Variants in EMP1 observed in about 807,000 individuals in gnomAD.
EMP1 encodes the protein tumor-associated membrane protein.
Under a neutral mutation model 15.7 loss-of-function variants are expected in EMP1, and 5 were observed. That is an observed-to-expected ratio of 0.32 (90% CI 0.17 to 0.67). EMP1 has a LOEUF of 0.67. Ranked by LOEUF, EMP1 falls within the 30% of genes least tolerant of loss-of-function variation. EMP1 has a pLI of 0.74. For missense variants in EMP1, 166 were observed against 194.2 expected (o/e 0.85, Z 0.86); for synonymous variants, 78 against 76.7 (o/e 1.02, Z -0.09).
At position 13,213,559 on chromosome 12, in the gene EMP1, GT is replaced by G; in HGVS notation, c.160del (p.Ser54HisfsTer15). Reference sequence around the variant, plus strand: ...CCAACATTAGCTGCAGTGACAGCCTGTCATATGCCAGTGAAGGTATATATAA... The same window carrying G: ...CCAACATTAGCTGCAGTGACAGCCTGCATATGCCAGTGAAGGTATATATAA... ...CTNISCSDSL[S>X]YASEDALKTV... is the part of the protein sequence containing the mutation. On this transcript the variant is annotated frameshift_variant, in exon 3 of 5. Coordinates refer to ENST00000256951, the MANE Select transcript of EMP1 (RefSeq NM_001423.3). LOFTEE classifies it high-confidence loss of function. The G allele has an allele frequency of 1.2e-6, 2 of 1,614,188 alleles. No individual in the cohort carries two copies. The highest frequency in any genetic ancestry group is 1.7e-6 in the Non-Finnish European group (2 of 1,180,030).
chr12:13,200,011 T>C (rs1321513350), intron 1 of EMP1, among the ~76,000 whole-genome samples: 5 of 151,632 alleles, frequency 3.3e-5, no homozygotes, highest in African/African-American at 9.7e-5. Flanking sequence ...AGGGAGCATT[T>C]TTGAAGTTTG....
chr12:13,197,396 C>T lies in EMP1; in HGVS notation c.-43+524C>T, dbSNP rs1384391464. Among the ~76,000 whole-genome samples the T allele has an allele frequency of 3.3e-5, 5 of 152,142 alleles. No homozygotes were observed. The East Asian group carries it at 9.6e-4, about 29-fold the overall frequency. ...TTTATTTTTGACATTGCTTTTCCTG[C>T]CTGTTTGCTTCCCTATTCACTTCTG... On this transcript the variant is annotated intron_variant, in intron 1 of 4. Transcript: ENST00000256951.
At chr12:13,210,655 A>G (rs1864156977) in intron 1 of EMP1, among the ~76,000 whole-genome samples, 1 of 152,346 alleles carries the variant, frequency 6.6e-6, no homozygotes, top group South Asian at 2.1e-4. Flanking sequence ...AGGAGAAGGC[A>G]CATTTGGTGC....
chr12:13,202,613 G>T (rs1042248409), intron 1 of EMP1, among the ~76,000 whole-genome samples: 5 of 152,170 alleles, frequency 3.3e-5, no homozygotes, highest in African/African-American at 1.2e-4. Flanking sequence ...GGACTCCTGT[G>T]CTGAGGGTTA....
rs943226811 is a variant in EMP1, at chr12:13,211,354, T to C, written c.-42-115T>C. 6 of 724,566 alleles carry C rather than the reference T, an allele frequency of 8.3e-6. No individual in the cohort carries two copies. The highest frequency in any genetic ancestry group is 7.2e-5 in the African/African-American group (4 of 55,752). 44.9% of individuals were successfully genotyped at this position (724,566 alleles called of 1,614,324 possible). ...TCAGGAATTTATGATTAGATTGTGA[T>C]GGTTTTTAGTGCAGCTCTTCCTCAT... On this transcript the variant is annotated intron_variant, in intron 1 of 4. Coordinates refer to ENST00000256951, the MANE Select transcript of EMP1 (RefSeq NM_001423.3). The surrounding 1 kb of genome is among the most constrained non-coding windows in gnomAD (Gnocchi z 4.7).
intron 4 of EMP1, chr12:13,214,134 C>G: frequency 1.6e-6 from 1 of 609,270 alleles, no homozygotes; most frequent in East Asian, 2.7e-5. Context: ...AAACCACTGC[C>G]ACAATGCACA....
intron 1 of EMP1, among the ~76,000 whole-genome samples, chr12:13,200,785 C>T (rs1325389314): frequency 6.6e-6 from 1 of 152,178 alleles, no homozygotes; most frequent in African/African-American, 2.4e-5. Flanking sequence ...ATGTTTGGGT[C>T]AAGGTTTTCT....
At position 13,216,565 on chromosome 12, in the gene EMP1, C is replaced by A. The variant is rs1443349427; in HGVS notation, c.*1874C>A. ...ACTCACATTTTGTTAAGAAGTTGAA[C>A]TATGACTGGAGTAAACCATGTATTC... On this transcript the variant is annotated 3_prime_UTR_variant, in exon 5 of 5. Coordinates refer to ENST00000256951, the MANE Select transcript of EMP1 (RefSeq NM_001423.3). 1.5e-6 allele frequency: 1 copy of A among 667,396 alleles called. No individual in the cohort carries two copies. The highest frequency in any genetic ancestry group is 2.7e-6 in the Non-Finnish European group (1 of 368,648). 41.3% of individuals were successfully genotyped at this position (667,396 alleles called of 1,614,324 possible). A position where few individuals can be genotyped will look rare whatever the true frequency, so the allele number is the denominator to read the frequency against.
Position 13,198,308 on chromosome 12 carries a change from C to T in EMP1, c.-43+1436C>T, listed in dbSNP as rs535672877. ...GTTAGCATTTTGGGTGAGTGTCTAC[C>T]GAGGTGTGGCCCATTTCAACATAGA... is the stretch of plus-strand genomic sequence containing the variant. On this transcript the variant is annotated intron_variant, in intron 1 of 4. Transcript: ENST00000256951. Among the ~76,000 whole-genome samples, 132 of 151,744 alleles carry T rather than the reference C, an allele frequency of 8.7e-4. 1 individual carries two copies. The highest frequency in any genetic ancestry group is 1.5e-4 in the Non-Finnish European group (10 of 67,990).
rs79954201 is a variant in EMP1, at chr12:13,204,612, G to A, written c.-42-6857G>A. Among the ~76,000 whole-genome samples, 1,506 of 152,324 alleles carry A rather than the reference G, an allele frequency of 9.9e-3. 18 individuals carry two copies. The highest frequency in any genetic ancestry group is 0.035 in the African/African-American group (1,459 of 41,554). The stretch of plus-strand genomic sequence containing the variant: ...TGTCTTAGGAAGGAGAGGCAGCTGC[G>A]GAGTTTCAGGTGTCACGCTGAGGAA... On this transcript the variant is annotated intron_variant, in intron 1 of 4. Transcript: ENST00000256951.
intron 1 of EMP1, among the ~76,000 whole-genome samples, chr12:13,207,137 A>C (rs1183526718): frequency 6.6e-6 from 1 of 152,016 alleles, no homozygotes; most frequent in Admixed American, 6.6e-5. Context: ...TTTGAGACGG[A>C]GTCTTGCTCT....
chr12:13,214,582 A>C lies in EMP1; in HGVS notation c.365A>C (p.Asn122Thr), dbSNP rs890849703. 6.2e-7 allele frequency: 1 copy of C among 1,613,804 alleles called. No individual in the cohort carries two copies. The highest frequency in any genetic ancestry group is 1.3e-5 in the African/African-American group (1 of 74,816). Residue 122 changes from asparagine (N) to threonine (T), a missense_variant, in exon 5 of 5, where the codon AAT (asparagine) becomes ACT (threonine). By Grantham distance (65) the Asn-to-Thr change is moderately conservative. Transcript: ENST00000256951. ...GVSIYTSHYANRDGTQYHHGY... is the reference protein window; with the variant it reads ...GVSIYTSHYATRDGTQYHHGY... ...TCCATCTACACTAGTCATTATGCGA[A>C]TCGTGATGGAACGCAGTATCACCAC...
intron 1 of EMP1, among the ~76,000 whole-genome samples, chr12:13,207,739 A>G (rs975526365): frequency 1.6e-4 from 25 of 152,214 alleles, no homozygotes; most frequent in African/African-American, 6.0e-4. Flanking sequence ...ATGAGGCTTA[A>G]GAAGGAGATC....
intron 1 of EMP1, among the ~76,000 whole-genome samples, chr12:13,200,503 C>T (rs1296957554): frequency 1.3e-5 from 2 of 152,194 alleles, no homozygotes; most frequent in South Asian, 2.1e-4. Flanking sequence ...CAGATCCGCC[C>T]AGGTGATCTT....
rs1280448952 is a variant in EMP1, at chr12:13,218,157, T to C, written c.*3466T>C. On this transcript the variant is annotated 3_prime_UTR_variant, in exon 5 of 5. Coordinates refer to ENST00000256951, the MANE Select transcript of EMP1 (RefSeq NM_001423.3). ...CTTATTCATTCATCAAGGGATAAAC[T>C]TGAGTTATCAAATGGTTAATAGATA... 1 of 152,150 alleles carries C rather than the reference T, an allele frequency of 6.6e-6. No homozygotes were observed. Among genetic ancestry groups the C allele is most frequent in the East Asian group, 1.9e-4 (1 of 5,198 alleles). 9.4% of individuals were successfully genotyped at this position (152,150 alleles called of 1,614,324 possible).
Position 13,217,789 on chromosome 12 carries a change from A to G in EMP1, c.*3098A>G, listed in dbSNP as rs1000443827. The stretch of plus-strand genomic sequence containing the variant: ...AATTCTCCAGAGAAACAGAAAAAAT[A>G]AGATTCGCGTGTGTGTGCAAACATA... On this transcript the variant is annotated 3_prime_UTR_variant, in exon 5 of 5. Coordinates refer to ENST00000256951, the MANE Select transcript of EMP1 (RefSeq NM_001423.3). The G allele has an allele frequency of 6.0e-5, 9 of 149,938 alleles. No individual in the cohort carries two copies. Among genetic ancestry groups the G allele is most frequent in the African/African-American group, 2.3e-4 (9 of 39,992 alleles). 9.3% of individuals were successfully genotyped at this position (149,938 alleles called of 1,614,324 possible). A position where few individuals can be genotyped will look rare whatever the true frequency, so the allele number is the denominator to read the frequency against.
intron 2 of EMP1, 120 bp from the exon 3 acceptor site, chr12:13,213,359 A>G: frequency 2.3e-6 from 2 of 882,848 alleles, no homozygotes; most frequent in Non-Finnish European, 3.6e-6. Flanking sequence ...GCATAGCCAT[A>G]GTTATAGCTA....
chr12:13,214,201 G>A (rs1216653039), intron 4 of EMP1: 4 of 597,638 alleles, frequency 6.7e-6, no homozygotes, highest in South Asian at 2.1e-5. Flanking sequence ...CGGTTTGGTG[G>A]AAGGACATGC....
At position 13,219,595 on chromosome 12, in the gene EMP1, A is replaced by G. The variant is rs1864242029; in HGVS notation, c.*4904A>G. On this transcript the variant is annotated 3_prime_UTR_variant, in exon 5 of 5. Coordinates refer to ENST00000256951, the MANE Select transcript of EMP1 (RefSeq NM_001423.3). The stretch of plus-strand genomic sequence containing the variant: ...TCTGTTTTCACACTGCTATGAAGAC[A>G]TACTTGAGACTCGGTAATTTATATA... 2 of 152,238 alleles carry G rather than the reference A, an allele frequency of 1.3e-5. No individual in the cohort carries two copies. The highest frequency in any genetic ancestry group is 2.9e-5 in the Non-Finnish European group (2 of 68,040). 9.4% of individuals were successfully genotyped at this position (152,238 alleles called of 1,614,324 possible).
Sources: allele counts gnomAD v4.1 joint callset (sites outside exome capture counted in the v4.1 genomes callset), GRCh38; gene constraint gnomAD v4.1.1; non-coding constraint Gnocchi (gnomAD v3.1); transcripts MANE v1.5; gene names NCBI Gene and HGNC (gene_info 2026-07-23, HGNC 2026-07-21).